Variants in ELAPOR1 observed in about 807,000 individuals in gnomAD.
ELAPOR1 encodes the protein endosome/lysosome-associated apoptosis and autophagy regulator 1.
Under a neutral mutation model 119.7 loss-of-function variants are expected in ELAPOR1, and 77 were observed. The ratio of observed to expected loss-of-function variants is 0.64; its 90% confidence interval spans 0.54 to 0.78. The LOEUF (loss-of-function observed/expected upper bound fraction) is 0.78. Ranked by LOEUF, ELAPOR1 falls within the 30% of genes least tolerant of loss-of-function variation. The pLI is 0.00. For missense variants in ELAPOR1, 1,115 were observed against 1,270.4 expected, an observed-to-expected ratio of 0.88 and a Z score of 1.86; for synonymous variants, 481 against 487.2, an observed-to-expected ratio of 0.99 and a Z score of 0.17.
Position 109,205,249 on chromosome 1 carries a change from G to C in ELAPOR1, c.*2237G>C, listed in dbSNP as rs1654420442. On this transcript the variant is annotated 3_prime_UTR_variant, in exon 22 of 22. Coordinates refer to ENST00000369939, the MANE Select transcript of ELAPOR1 (RefSeq NM_020775.5). ...CCCCAATTGCCCATGATTTGTGCCT[G>C]TGCCCTTTCTCCAGTGACCATTTGG... The C allele has an allele frequency of 6.6e-6, 1 of 152,336 alleles. No individual in the cohort carries two copies. Among genetic ancestry groups the C allele is most frequent in the Non-Finnish European group, 1.5e-5 (1 of 68,030 alleles). 9.4% of individuals were successfully genotyped at this position (152,336 alleles called of 1,614,324 possible).
intron 1 of ELAPOR1, among the ~76,000 whole-genome samples, chr1:109,142,390 C>G (rs992066732): frequency 1.3e-5 from 2 of 152,154 alleles, no homozygotes; most frequent in African/African-American, 4.8e-5. Flanking sequence ...ACAACTGGCT[C>G]TCTAGGGAGG....
intron 1 of ELAPOR1, among the ~76,000 whole-genome samples, chr1:109,125,385 T>G (rs1471294611): frequency 3.3e-5 from 5 of 149,556 alleles, no homozygotes; most frequent in South Asian, 2.1e-4. Flanking sequence ...CAGTCTGTTT[T>G]TTTTGTTTTG....
chr1:109,148,196 T>C (rs1650304925), intron 1 of ELAPOR1, among the ~76,000 whole-genome samples: 1 of 114,054 alleles, frequency 8.8e-6, no homozygotes, highest in Middle Eastern at 4.0e-3. Flanking sequence ...TGGAGTGCAG[T>C]GGCGCAATCT....
At chr1:109,172,687 T>C in intron 5 of ELAPOR1, 119 bp downstream of exon 5, 2 of 711,530 alleles carry the variant, frequency 2.8e-6, no homozygotes, top group Non-Finnish European at 5.0e-6. Context: ...GGCAGGAATG[T>C]GATATGATGA....
At chr1:109,183,054 G>C (rs978612259) in intron 7 of ELAPOR1, among the ~76,000 whole-genome samples, 3 of 152,094 alleles carry the variant, frequency 2.0e-5, no homozygotes, top group Non-Finnish European at 2.9e-5. Context: ...TTTTATTCTG[G>C]AGGAAGTAAA....
intron 1 of ELAPOR1, among the ~76,000 whole-genome samples, chr1:109,150,693 G>A (rs148777772): frequency 0.011 from 1,750 of 152,258 alleles, 36 homozygotes; most frequent in African/African-American, 0.04. Context: ...TTAGAAGCAT[G>A]AACAAGAAAA....
intron 14 of ELAPOR1, 22 bp downstream of exon 14, chr1:109,192,896 T>A: frequency 6.8e-6 from 11 of 1,608,654 alleles, no homozygotes; most frequent in Non-Finnish European, 9.3e-6. Context: ...CTGGCATGCA[T>A]CCTAAACCTG....
intron 7 of ELAPOR1, among the ~76,000 whole-genome samples, chr1:109,176,152 C>A (rs1378896461): frequency 6.6e-6 from 1 of 152,050 alleles, no homozygotes; most frequent in East Asian, 1.9e-4. Context: ...AGGATAGCTT[C>A]CTAAAGCATT....
At chr1:109,130,378 A>G (rs1649075832) in intron 1 of ELAPOR1, among the ~76,000 whole-genome samples, 2 of 152,196 alleles carry the variant, frequency 1.3e-5, no homozygotes, top group Non-Finnish European at 2.9e-5. Context: ...GGAGAGCTTC[A>G]CAGAAGGAGT....
intron 1 of ELAPOR1, among the ~76,000 whole-genome samples, chr1:109,134,398 C>T (rs962630145): frequency 6.6e-6 from 1 of 152,136 alleles, no homozygotes; most frequent in Non-Finnish European, 1.5e-5. Context: ...GGCTTCTTGA[C>T]CTCACAGGGC....
At chr1:109,123,275 A>G (rs12730223) in intron 1 of ELAPOR1, among the ~76,000 whole-genome samples, 2 of 152,240 alleles carry the variant, frequency 1.3e-5, no homozygotes, top group Non-Finnish European at 2.9e-5. Context: ...GTTGATACAA[A>G]TAACCAACCA....
chr1:109,173,468 T>A lies in ELAPOR1; in HGVS notation c.697-6T>A. Reference sequence around the variant, plus strand: ...ATGAATGAATGCTCCTGTTTGTGGTTTTTAGGTGGAGCTAAATCGAGGCAA... The same window carrying A: ...ATGAATGAATGCTCCTGTTTGTGGTATTTAGGTGGAGCTAAATCGAGGCAA... On this transcript the variant is annotated splice_polypyrimidine_tract_variant and splice_region_variant and intron_variant, in intron 5 of 21. Transcript: ENST00000369939. The A allele has an allele frequency of 6.2e-7, 1 of 1,612,948 alleles. No individual in the cohort carries two copies. The highest frequency in any genetic ancestry group is 1.3e-5 in the African/African-American group (1 of 75,016).
chr1:109,142,497 G>A (rs1052995329), intron 1 of ELAPOR1, among the ~76,000 whole-genome samples: 5 of 152,224 alleles, frequency 3.3e-5, no homozygotes, highest in African/African-American at 9.6e-5. Context: ...TGAGCGTGGA[G>A]CTGGGAAGAG....
chr1:109,173,243 A>G (rs1427550805), intron 5 of ELAPOR1, among the ~76,000 whole-genome samples: 1 of 152,114 alleles, frequency 6.6e-6, no homozygotes, highest in African/African-American at 2.4e-5. Context: ...AGAGATGCTC[A>G]TGGTATATAT....
Position 109,189,698 on chromosome 1 carries a change from C to G in ELAPOR1, c.1439+16C>G. 1 of 1,604,038 alleles carries G rather than the reference C, an allele frequency of 6.2e-7. No individual in the cohort carries two copies. Among genetic ancestry groups the G allele is most frequent in the Non-Finnish European group, 8.5e-7 (1 of 1,170,926 alleles). ...CAGGATTTAGGTGAGGAATCCAAAG[C>G]CCAGGGGAGTCCAGGCCAGCTTGGC... On this transcript the variant is annotated intron_variant, in intron 11 of 21. Transcript: ENST00000369939.
chr1:109,144,049 A>T lies in ELAPOR1; in HGVS notation c.154-17845A>T, dbSNP rs1558029101. Among the ~76,000 whole-genome samples, 11 of 44,806 alleles carry T rather than the reference A, an allele frequency of 2.5e-4. No homozygotes were observed. In the South Asian group the frequency reaches 4.2e-3, roughly 17 times the overall value. 29.4% of individuals were successfully genotyped at this position (44,806 alleles called of 152,430 possible). Reference sequence around the variant, plus strand: ...TTTCTAAAATTATATATATATATATATATATTTATATATTTTTTTTTTTTT... The same window carrying T: ...TTTCTAAAATTATATATATATATATTTATATTTATATATTTTTTTTTTTTT... On this transcript the variant is annotated intron_variant, in intron 1 of 21. Transcript: ENST00000369939.
intron 8 of ELAPOR1, chr1:109,186,634 G>A: frequency 1.0e-6 from 1 of 985,406 alleles, no homozygotes; most frequent in Non-Finnish European, 1.2e-6. Context: ...TGTGGTGTCT[G>A]GTATTCTGTA....
rs1654446460 is a variant in ELAPOR1, at chr1:109,205,735, C to T, written c.*2723C>T. ...GTCTTTGACTTCTTTATTCTGACTC[C>T]ACTGATTTTAGCCATAATACTTTAA... On this transcript the variant is annotated 3_prime_UTR_variant, in exon 22 of 22. Transcript: ENST00000369939. 6.6e-6 allele frequency: 1 copy of T among 152,104 alleles called. No individual in the cohort carries two copies. The highest frequency in any genetic ancestry group is 1.5e-5 in the Non-Finnish European group (1 of 68,026). 9.4% of individuals were successfully genotyped at this position (152,104 alleles called of 1,614,324 possible).
In ELAPOR1 at chr1:109,203,039, C is replaced by T. The variant is rs1241540436; in HGVS notation, c.*27C>T. ...AGGCACTGCCTGCCTCACCTGCCTC[C>T]TCACCTTGCATAGCACCTTTGCAAG... On this transcript the variant is annotated 3_prime_UTR_variant, in exon 22 of 22. Transcript: ENST00000369939. The T allele has an allele frequency of 6.5e-7, 1 of 1,533,182 alleles. No individual in the cohort carries two copies. The highest frequency in any genetic ancestry group is 9.0e-7 in the Non-Finnish European group (1 of 1,108,154). The allele number at this position is 1,533,182 out of a possible 1,614,324, so 95.0% of individuals were successfully genotyped here. A position where few individuals can be genotyped will look rare whatever the true frequency, so the allele number is the denominator to read the frequency against.
Sources: gnomAD v4.1 joint callset for allele counts (sites outside exome capture counted in the v4.1 genomes callset) on GRCh38, gnomAD v4.1.1 for gene constraint, MANE v1.5 for transcripts, NCBI Gene and HGNC (gene_info 2026-07-23, HGNC 2026-07-21) for gene names.